SLC26A5: variants seen among roughly 807,000 people sequenced by gnomAD.
The protein encoded by SLC26A5 is solute carrier family 26 member 5.
SLC26A5 carries 51 observed loss-of-function variants against 81.0 expected under a neutral mutation model. The ratio of observed to expected loss-of-function variants is 0.63; its 90% CI spans 0.50 to 0.80. SLC26A5 has a LOEUF of 0.80. Ranked by LOEUF, SLC26A5 falls within the 30% of genes least tolerant of loss-of-function variation. SLC26A5 has a pLI of 0.00. For synonymous variants in SLC26A5, 325 were observed against 332.8 expected, an observed-to-expected ratio of 0.98 and a Z score of 0.25; for missense variants, 771 against 905.8, an observed-to-expected ratio of 0.85 and a Z score of 1.91.
chr7:103,368,305 C>T (rs1820829601), intron 19 of SLC26A5: 1 of 359,474 alleles, frequency 2.8e-6, no homozygotes, highest in African/African-American at 2.1e-5. Context: ...GCTTAGATGG[C>T]TTCTATCCTA....
rs771157968 is a variant in SLC26A5 at position 103,374,540 on chromosome 7, T to A, written c.2094A>T (p.Leu698=). The change falls in exon 20 of 20, where the codon CTA becomes CTT. Residue 698 remains leucine, a synonymous_variant. Coordinates refer to ENST00000306312, the MANE Select transcript of SLC26A5 (RefSeq NM_198999.3). The stretch of plus-strand genomic sequence containing the variant: ...GAATGCTGTGGAACAGCAGCTCCCA[T>A]AGGGCAGGATTTTCAAAAAATCTAT... ...TRNRFFENPA[L]WELLFHSIHD... is the part of the protein sequence containing the mutation. 2.1e-5 allele frequency: 34 copies of A among 1,613,880 alleles called. No individual in the cohort carries two copies. Among genetic ancestry groups the A allele is most frequent in the Non-Finnish European group, 2.9e-5 (34 of 1,180,006 alleles).
chr7:103,372,485 G>A (rs1025242672), downstream of SLC26A5, among the ~76,000 whole-genome samples: 1 of 152,218 alleles, frequency 6.6e-6, no homozygotes. Flanking sequence ...GCTAATGCCT[G>A]TGCTTTGATT....
At chr7:103,411,154 G>A (rs1022664271) in intron 6 of SLC26A5, among the ~76,000 whole-genome samples, 2 of 152,134 alleles carry the variant, frequency 1.3e-5, no homozygotes, top group African/African-American at 4.8e-5. Flanking sequence ...TCCAAGCAGA[G>A]AGGAATGTCC....
At chr7:103,410,235 G>T in intron 7 of SLC26A5, 150 bp downstream of exon 7, 1 of 714,166 alleles carries the variant, frequency 1.4e-6, no homozygotes, top group Non-Finnish European at 2.3e-6. Context: ...ACTCTTTTCA[G>T]AAAACCTTAG....
chr7:103,429,336 T>G (rs1264507534), intron 2 of SLC26A5, among the ~76,000 whole-genome samples: 1 of 152,210 alleles, frequency 6.6e-6, no homozygotes, highest in Non-Finnish European at 1.5e-5. Context: ...ATCTCAAATA[T>G]GCAAGCACAT....
chr7:103,443,385 A>G (rs1562819775), intron 1 of SLC26A5, among the ~76,000 whole-genome samples, 174 bp from the exon 2 acceptor site: 2 of 152,202 alleles, frequency 1.3e-5, no homozygotes, highest in African/African-American at 4.8e-5. Context: ...GACTAATTAT[A>G]TATAATTATA....
At position 103,436,095 on chromosome 7, in the gene SLC26A5, T is replaced by C. The variant is rs192009127; in HGVS notation, c.-54+6988A>G. 2.3e-3 allele frequency among the ~76,000 whole-genome samples: 345 copies of C among 152,186 alleles called. 4 individuals are homozygous for C. The highest frequency in any genetic ancestry group is 3.4e-3 in the Middle Eastern group (1 of 294). On this transcript the variant is annotated intron_variant, in intron 2 of 19. Transcript: ENST00000306312. ...GTTTGATGGTAGAATTATGAGTAAT[T>C]TTATTTTTTTTGCTTATCTGTATTT... is the stretch of plus-strand genomic sequence containing the variant.
At chr7:103,435,003 G>C (rs1826350127) in intron 2 of SLC26A5, 1 of 152,170 alleles carries the variant, frequency 6.6e-6, no homozygotes, top group South Asian at 2.1e-4. Flanking sequence ...ATTTAGGCTA[G>C]TCAAGTGAAG....
chr7:103,383,055 T>C (rs1286709976), intron 14 of SLC26A5, among the ~76,000 whole-genome samples: 1 of 152,228 alleles, frequency 6.6e-6, no homozygotes, highest in African/African-American at 2.4e-5. Flanking sequence ...ACAAATGATG[T>C]GCCTGGTACT....
chr7:103,414,860 T>C (rs1156660988), intron 4 of SLC26A5, among the ~76,000 whole-genome samples: 2 of 152,222 alleles, frequency 1.3e-5, no homozygotes, highest in African/African-American at 4.8e-5. Context: ...TTTCTTGTAG[T>C]CCTTTCTTAC....
intron 14 of SLC26A5, among the ~76,000 whole-genome samples, chr7:103,387,069 T>C (rs1256910918): frequency 1.3e-5 from 2 of 152,186 alleles, no homozygotes; most frequent in Admixed American, 1.3e-4. Flanking sequence ...CCAAAAGTTA[T>C]AGATATTTTA....
In SLC26A5 at chr7:103,410,408, T is replaced by C; in HGVS notation, c.712A>G (p.Ser238Gly). The C allele has an allele frequency of 9.9e-6, 16 of 1,614,136 alleles. No homozygotes were observed. Among genetic ancestry groups the C allele is most frequent in the Non-Finnish European group, 1.4e-5 (16 of 1,179,990 alleles). The change falls in exon 7 of 20, where the codon AGT (serine) becomes GGT (glycine). Residue 238 changes from serine to glycine, a missense_variant. By Grantham distance (56) the Ser-to-Gly change is moderately conservative. Transcript: ENST00000306312. The part of the protein sequence containing the change: ...YLFGVKTKRY[S>G]GIFSVVYSTV... Reference sequence around the variant, plus strand: ...ACATACACCACGGAAAAGATTCCACTGTACCGCTTTGTTTTAACTCCAAAC... The same window carrying C: ...ACATACACCACGGAAAAGATTCCACCGTACCGCTTTGTTTTAACTCCAAAC...
At chr7:103,363,012 T>C (rs148599163) in intron 19 of SLC26A5, among the ~76,000 whole-genome samples, 2,087 of 152,280 alleles carry the variant, frequency 0.014, 19 homozygotes, top group Non-Finnish European at 0.02. Flanking sequence ...CAGACTGGTT[T>C]CGAACTCATG....
chr7:103,378,268 G>A (rs985338913), intron 17 of SLC26A5, among the ~76,000 whole-genome samples, 178 bp downstream of exon 17: 1 of 151,994 alleles, frequency 6.6e-6, no homozygotes, highest in Non-Finnish European at 1.5e-5. Flanking sequence ...ACTTTTTTCA[G>A]AAACAGCCTC....
chr7:103,441,607 G>A (rs1256681058), intron 2 of SLC26A5, among the ~76,000 whole-genome samples: 1 of 152,120 alleles, frequency 6.6e-6, no homozygotes, highest in Non-Finnish European at 1.5e-5. Flanking sequence ...ATCCCCTGCT[G>A]ACACCTTCTT....
intron 8 of SLC26A5, among the ~76,000 whole-genome samples, chr7:103,403,325 G>A (rs571215226): frequency 1.1e-4 from 16 of 152,314 alleles, no homozygotes; most frequent in Middle Eastern, 3.4e-3. Context: ...GTGATGTGGT[G>A]CTGAGAAGAA....
intron 19 of SLC26A5, chr7:103,364,184 C>T (rs780322948): frequency 2.7e-5 from 43 of 1,614,040 alleles, no homozygotes; most frequent in East Asian, 6.7e-5. Context: ...CTCCCAAGGG[C>T]GTGCTGCTCT....
At chr7:103,403,695 C>CT (rs561652280) in intron 8 of SLC26A5, among the ~76,000 whole-genome samples, 7,472 of 128,448 alleles carry the variant, frequency 0.058, 275 homozygotes, top group South Asian at 0.11. Flanking sequence ...CAATCCCCTG[C>CT]TTTTTTTTTT....
intron 1 of SLC26A5, among the ~76,000 whole-genome samples, chr7:103,443,659 T>C (rs1342260261): frequency 3.3e-5 from 5 of 152,222 alleles, no homozygotes; most frequent in Non-Finnish European, 7.3e-5. Flanking sequence ...GGCTAATCTG[T>C]CTTCAGTCTT....
Sources: allele counts gnomAD v4.1 joint callset (sites outside exome capture counted in the v4.1 genomes callset), GRCh38; gene constraint gnomAD v4.1.1; transcripts MANE v1.5; gene names NCBI Gene and HGNC (gene_info 2026-07-23, HGNC 2026-07-21).